The following GLIS3 variants were observed in gnomAD, a reference collection of about 807,000 sequenced individuals.
GLIS3 encodes the protein GLIS family zinc finger 3.
A neutral mutation model predicts 78.6 loss-of-function variants in GLIS3; 53 were observed. That is an observed-to-expected ratio of 0.67 (90% CI 0.54 to 0.85). The LOEUF is 0.85. GLIS3 is among the 40% of genes least tolerant of loss of function. The pLI, the probability that GLIS3 is intolerant of heterozygous loss-of-function variation, is 0.00. For missense variants in GLIS3, 1,703 were observed against 1,231.1 expected, an observed-to-expected ratio of 1.38 and a Z score of -5.74; for synonymous variants, 684 against 509.9, an observed-to-expected ratio of 1.34 and a Z score of -4.60.
At chr9:4,197,269 T>C (rs1006366618) in intron 2 of GLIS3, among the ~76,000 whole-genome samples, 5 of 152,124 alleles carry the variant, frequency 3.3e-5, no homozygotes, top group Non-Finnish European at 7.4e-5. Context: ...AAGGGGGCCC[T>C]CTCCACTCCA....
At chr9:4,393,694 T>C in the GLIS3 span, among the ~76,000 whole-genome samples, 1 of 152,216 alleles carries the variant, frequency 6.6e-6, no homozygotes, top group Non-Finnish European at 1.5e-5. Context: ...TGTGATTAGA[T>C]TCAGGTTATG....
the GLIS3 span, among the ~76,000 whole-genome samples, chr9:4,454,338 A>G: frequency 6.6e-6 from 1 of 152,164 alleles, no homozygotes; most frequent in Non-Finnish European, 1.5e-5. Context: ...TGGGGTTGAG[A>G]CTTCCATTTT....
chr9:4,420,143 C>T, the GLIS3 span, among the ~76,000 whole-genome samples: 1 of 152,096 alleles, frequency 6.6e-6, no homozygotes, highest in Non-Finnish European at 1.5e-5. Flanking sequence ...AAAATCACTC[C>T]CAGGTAATTC....
In GLIS3 at chr9:3,898,759, G is replaced by A. The variant is rs374929970; in HGVS notation, c.2060C>T (p.Ser687Phe). 1.4e-4 allele frequency: 225 copies of A among 1,614,186 alleles called. 1 individual carries two copies. The Admixed American group carries it at 1.6e-3, about 11-fold the overall frequency. ...LTVQSLQPAT[S>F]PRDAAAEGTV... ...CCCTTCAGCAGCAGCATCTCTAGGG[G>A]AAGTGGCCGGCTGCAGGGACTGCAC... The change falls in exon 7 of 11, where the codon TCC becomes TTC. Residue 687 changes from serine to phenylalanine, a missense_variant. Physicochemically the swap from Ser to Phe is radical, Grantham distance 155. Transcript: ENST00000381971.
chr9:4,435,083 A>T, the GLIS3 span, among the ~76,000 whole-genome samples: 1 of 152,212 alleles, frequency 6.6e-6, no homozygotes, highest in Non-Finnish European at 1.5e-5. Flanking sequence ...CTCACAGACA[A>T]TTCTCTGCAA....
intron 7 of GLIS3, among the ~76,000 whole-genome samples, chr9:3,883,298 T>C (rs1821859268): frequency 6.6e-6 from 1 of 152,232 alleles, no homozygotes; most frequent in African/African-American, 2.4e-5. Flanking sequence ...GCATTCATTC[T>C]TCCAAACACA....
chr9:3,946,785 C>T (rs1816323344), intron 4 of GLIS3, among the ~76,000 whole-genome samples: 2 of 152,172 alleles, frequency 1.3e-5, no homozygotes, highest in African/African-American at 4.8e-5. Flanking sequence ...AAATGTGTGC[C>T]TTCTCATACA....
At chr9:4,060,475 A>G (rs985924966) in intron 4 of GLIS3, among the ~76,000 whole-genome samples, 19 of 152,198 alleles carry the variant, frequency 1.2e-4, no homozygotes, top group Admixed American at 5.9e-4. Context: ...GTGTGGCAGT[A>G]TCTTAAGAGG....
At chr9:4,415,723 G>C in the GLIS3 span, among the ~76,000 whole-genome samples, 2 of 152,038 alleles carry the variant, frequency 1.3e-5, no homozygotes, top group Non-Finnish European at 2.9e-5. Context: ...CAAAGCTTCA[G>C]ATTATGTCCC....
chr9:4,096,988 G>T (rs1306762026), intron 4 of GLIS3, among the ~76,000 whole-genome samples: 1 of 152,160 alleles, frequency 6.6e-6, no homozygotes, highest in African/African-American at 2.4e-5. Flanking sequence ...CTCCAGCCTG[G>T]GCAACAGAGC....
intron 2 of GLIS3, among the ~76,000 whole-genome samples, chr9:4,241,279 C>G (rs1823283339): frequency 6.6e-6 from 1 of 152,138 alleles, no homozygotes; most frequent in East Asian, 1.9e-4. Flanking sequence ...TCATTGTCAG[C>G]TCAACTCTTT....
intron 2 of GLIS3, among the ~76,000 whole-genome samples, chr9:4,315,797 G>T (rs1817429320): frequency 6.6e-6 from 1 of 152,084 alleles, no homozygotes; most frequent in Non-Finnish European, 1.5e-5. Flanking sequence ...GTCAGTAGGT[G>T]GCGCCCGTTC....
chr9:4,318,935 G>T (rs1173438752), intron 2 of GLIS3, among the ~76,000 whole-genome samples: 1 of 152,162 alleles, frequency 6.6e-6, no homozygotes, highest in Admixed American at 6.5e-5. Context: ...AGCTGCTGAG[G>T]ACACAACAGT....
the GLIS3 span, among the ~76,000 whole-genome samples, chr9:4,434,714 T>C: frequency 6.6e-6 from 1 of 152,204 alleles, no homozygotes; most frequent in East Asian, 1.9e-4. Flanking sequence ...AGATCTCCAG[T>C]GTGTCTTGAA....
chr9:4,354,148 A>G, the GLIS3 span, among the ~76,000 whole-genome samples: 1 of 152,042 alleles, frequency 6.6e-6, no homozygotes, highest in South Asian at 2.1e-4. Flanking sequence ...CTGCAGGAAA[A>G]TTCTTGATAG....
At chr9:4,344,233 C>T (rs911409181) in intron 2 of GLIS3, among the ~76,000 whole-genome samples, 1 of 152,064 alleles carries the variant, frequency 6.6e-6, no homozygotes, top group African/African-American at 2.4e-5. Context: ...CCCAGGGTTT[C>T]CTCTCTTCCC....
chr9:3,921,098 T>C (rs1375511663), intron 6 of GLIS3, among the ~76,000 whole-genome samples: 1 of 152,228 alleles, frequency 6.6e-6, no homozygotes, highest in African/African-American at 2.4e-5. Context: ...CAAGTTTTGA[T>C]TATGCACAGT....
intron 9 of GLIS3, among the ~76,000 whole-genome samples, chr9:3,849,761 T>A (rs1390858253): frequency 1.3e-5 from 2 of 152,012 alleles, no homozygotes. Flanking sequence ...TACAAAAAAT[T>A]AGCCAGGCAT....
intron 4 of GLIS3, among the ~76,000 whole-genome samples, chr9:4,067,486 T>C (rs985252763): frequency 2.0e-5 from 3 of 152,072 alleles, no homozygotes; most frequent in Non-Finnish European, 4.4e-5. Context: ...AAAAAGACGC[T>C]GTAGGTCAAA....
Sources: allele counts gnomAD v4.1 joint callset (sites outside exome capture counted in the v4.1 genomes callset), GRCh38; gene constraint gnomAD v4.1.1; transcripts MANE v1.5; gene names NCBI Gene and HGNC (gene_info 2026-07-23, HGNC 2026-07-21).